The following KPNA1 variants were observed in gnomAD, a reference collection of about 807,000 sequenced individuals.
KPNA1 encodes karyopherin subunit alpha 1.
KPNA1 carries 10 observed loss-of-function variants against 70.5 expected under a neutral mutation model. The observed-to-expected ratio is 0.14, with a 90% CI of 0.09 to 0.24. The LOEUF (loss-of-function observed/expected upper bound fraction) is 0.24. Ranked by LOEUF, KPNA1 falls within the 10% of genes least tolerant of loss-of-function variation. The pLI is 1.00. For synonymous variants in KPNA1, 192 were observed against 221.9 expected (o/e 0.87, Z 1.20); for missense variants, 397 against 637.9 (o/e 0.62, Z 4.07).
rs1351839413 is a variant in KPNA1, at chr3:122,449,821, T to C, written c.754-84A>G. ...AGATACTCAAGAAGGCAACCAGGCA[T>C]GTACTTGGTGACTTCTAGGGTGATT... On this transcript the variant is annotated intron_variant, in intron 8 of 13. Transcript: ENST00000344337. 2.7e-6 allele frequency: 3 copies of C among 1,100,262 alleles called. No homozygotes were observed. In the South Asian group the frequency reaches 4.7e-5, roughly 17 times the overall value. 68.2% of individuals were successfully genotyped at this position (1,100,262 alleles called of 1,614,324 possible). A position where few individuals can be genotyped will look rare whatever the true frequency, so the allele number is the denominator to read the frequency against.
At chr3:122,468,069 C>T (rs2076400956) in intron 2 of KPNA1, among the ~76,000 whole-genome samples, 1 of 152,200 alleles carries the variant, frequency 6.6e-6, no homozygotes, top group Non-Finnish European at 1.5e-5. Context: ...GTAACAGTAA[C>T]TTACCCTCTC....
chr3:122,466,540 A>G (rs147108648), intron 3 of KPNA1, among the ~76,000 whole-genome samples: 84 of 152,260 alleles, frequency 5.5e-4, no homozygotes, highest in African/African-American at 1.9e-3. Flanking sequence ...AGAAATCTAG[A>G]TAGGTCTAAT....
intron 2 of KPNA1, among the ~76,000 whole-genome samples, chr3:122,493,129 T>C (rs2076718231): frequency 6.6e-6 from 1 of 152,224 alleles, no homozygotes; most frequent in African/African-American, 2.4e-5. Flanking sequence ...TACTTCATCA[T>C]TAATCCACTA....
At chr3:122,443,499 T>C (rs2076093339) in intron 9 of KPNA1, among the ~76,000 whole-genome samples, 1 of 152,154 alleles carries the variant, frequency 6.6e-6, no homozygotes, top group South Asian at 2.1e-4. Flanking sequence ...ACAGACTACC[T>C]CCTCAAGTGG....
At chr3:122,475,356 GAAAT>G (rs1170257228) in intron 2 of KPNA1, among the ~76,000 whole-genome samples, 5 of 152,086 alleles carry the variant, frequency 3.3e-5, no homozygotes, top group African/African-American at 1.2e-4. Flanking sequence ...GAAACAAATT[GAAAT>G]AAATGAATGG....
At chr3:122,508,941 T>C (rs1234692054) in intron 1 of KPNA1, among the ~76,000 whole-genome samples, 1 of 152,018 alleles carries the variant, frequency 6.6e-6, no homozygotes, top group Admixed American at 6.6e-5. Context: ...ACAACACAAA[T>C]ATACTATAAA....
intron 3 of KPNA1, among the ~76,000 whole-genome samples, chr3:122,466,887 G>A (rs1282598862): frequency 1.3e-5 from 2 of 151,964 alleles, no homozygotes; most frequent in East Asian, 3.9e-4. Context: ...TGTAGTCCCA[G>A]CTATTTGGGA....
At chr3:122,444,819 T>C (rs1308373979) in intron 9 of KPNA1, among the ~76,000 whole-genome samples, 1 of 152,118 alleles carries the variant, frequency 6.6e-6, no homozygotes, top group Non-Finnish European at 1.5e-5. Context: ...AACTGACTGT[T>C]AGAAGGAAAA....
At chr3:122,496,626 CT>C (rs1457063306) in intron 1 of KPNA1, 56 bp from the exon 2 acceptor site, 1 of 1,513,972 alleles carries the variant, frequency 6.6e-7, no homozygotes, top group Non-Finnish European at 9.1e-7. Flanking sequence ...CTCTGTTATT[CT>C]AAGAGCTCAG....
At chr3:122,447,760 A>T (rs1329166253) in intron 9 of KPNA1, among the ~76,000 whole-genome samples, 1 of 152,206 alleles carries the variant, frequency 6.6e-6, no homozygotes, top group Non-Finnish European at 1.5e-5. Context: ...ACATGATTCT[A>T]TATTTAGAAA....
chr3:122,462,535 G>A lies in KPNA1; in HGVS notation c.338-1217C>T, dbSNP rs191585134. Among the ~76,000 whole-genome samples the A allele has an allele frequency of 5.9e-4, 89 of 151,644 alleles. No homozygotes were observed. The Middle Eastern group carries it at 0.01, about 18-fold the overall frequency. Reference sequence around the variant, plus strand: ...TTATCACATTTTTAAGAGGTATGCTGGCAAACCAGAATACATGCAGGAAGG... The same window carrying A: ...TTATCACATTTTTAAGAGGTATGCTAGCAAACCAGAATACATGCAGGAAGG... On this transcript the variant is annotated intron_variant, in intron 4 of 13. Coordinates refer to ENST00000344337, the MANE Select transcript of KPNA1 (RefSeq NM_002264.4).
intron 9 of KPNA1, among the ~76,000 whole-genome samples, chr3:122,443,676 G>A (rs1162187175): frequency 1.3e-5 from 2 of 152,176 alleles, no homozygotes; most frequent in Non-Finnish European, 2.9e-5. Flanking sequence ...CATGTCGGCA[G>A]GTTCCGTGAT....
intron 2 of KPNA1, among the ~76,000 whole-genome samples, chr3:122,481,269 A>C (rs1303699115): frequency 6.6e-6 from 1 of 152,216 alleles, no homozygotes. Context: ...TAAAAAAGTT[A>C]ATCCAAATGT....
intron 2 of KPNA1, among the ~76,000 whole-genome samples, chr3:122,474,596 A>G (rs2076477244): frequency 6.6e-6 from 1 of 152,184 alleles, no homozygotes; most frequent in Admixed American, 6.5e-5. Flanking sequence ...TCTTTTCAAT[A>G]AACGGTGCTG....
intron 1 of KPNA1, 176 bp from the exon 2 acceptor site, chr3:122,496,746 C>A: frequency 2.0e-6 from 1 of 499,414 alleles, no homozygotes; most frequent in African/African-American, 1.9e-5. Context: ...TCTGTCCACC[C>A]GGACTGGAGT....
intron 5 of KPNA1, chr3:122,460,029 T>C: frequency 1.0e-6 from 1 of 985,406 alleles, no homozygotes; most frequent in Non-Finnish European, 1.2e-6. Flanking sequence ...GGGATATCTT[T>C]GATTAACTAG....
chr3:122,505,750 A>C (rs891042181), intron 1 of KPNA1, among the ~76,000 whole-genome samples: 1 of 152,192 alleles, frequency 6.6e-6, no homozygotes, highest in Admixed American at 6.5e-5. Flanking sequence ...CTAGTTACTC[A>C]ATTATCAAAT....
chr3:122,471,289 T>C (rs6798113), intron 2 of KPNA1, among the ~76,000 whole-genome samples: 81,263 of 152,034 alleles, frequency 0.53, 22,328 homozygotes, highest in East Asian at 0.77. Context: ...CTTGAAAGTT[T>C]GCAGTATGTC....
chr3:122,443,299 G>A (rs1235416469), intron 9 of KPNA1: 1 of 152,364 alleles, frequency 6.6e-6, no homozygotes, highest in African/African-American at 2.4e-5. Flanking sequence ...AAAGCAGCCA[G>A]AAAGCTCGAA....
Sources: allele counts gnomAD v4.1 joint callset (sites outside exome capture counted in the v4.1 genomes callset), GRCh38; gene constraint gnomAD v4.1.1; transcripts MANE v1.5; gene names NCBI Gene and HGNC (gene_info 2026-07-23, HGNC 2026-07-21).